KIF16B: variants seen among roughly 807,000 people sequenced by gnomAD.
KIF16B encodes the protein kinesin-like protein KIF16B.
Under a neutral mutation model 156.3 loss-of-function variants are expected in KIF16B, and 98 were observed. The ratio of observed to expected loss-of-function variants is 0.63; its 90% CI spans 0.53 to 0.74. The LOEUF (loss-of-function observed/expected upper bound fraction) is 0.74, where lower values mean the gene tolerates loss of function less well. KIF16B is among the 30% of genes least tolerant of loss of function. KIF16B has a pLI of 0.00. For synonymous variants in KIF16B, 564 were observed against 583.7 expected (o/e 0.97, Z 0.49); for missense variants, 1,421 against 1,606.5 (o/e 0.88, Z 1.97).
chr20:16,401,984 C>T (rs1383914997), intron 17 of KIF16B, among the ~76,000 whole-genome samples: 2 of 152,156 alleles, frequency 1.3e-5, no homozygotes, highest in Admixed American at 6.5e-5. Context: ...TCTTAAAAAA[C>T]AGTCAAACCC....
chr20:16,289,583 G>A (rs1026471854), intron 25 of KIF16B, among the ~76,000 whole-genome samples: 4 of 152,176 alleles, frequency 2.6e-5, no homozygotes, highest in Middle Eastern at 6.8e-3. Flanking sequence ...GCCGGGCGCG[G>A]TGGCTCACGC....
chr20:16,523,674 A>G (rs2069431339), intron 3 of KIF16B, among the ~76,000 whole-genome samples: 1 of 152,170 alleles, frequency 6.6e-6, no homozygotes, highest in Non-Finnish European at 1.5e-5. Flanking sequence ...ATAGAATTAG[A>G]AAAAAACTAC....
At chr20:16,565,762 C>G (rs983632657) in intron 1 of KIF16B, among the ~76,000 whole-genome samples, 9 of 152,312 alleles carry the variant, frequency 5.9e-5, no homozygotes, top group Admixed American at 2.6e-4. Context: ...CGAAACAAAT[C>G]AACAGACCAA....
intron 6 of KIF16B, among the ~76,000 whole-genome samples, chr20:16,510,625 G>A (rs2068928469): frequency 1.3e-5 from 2 of 152,086 alleles, no homozygotes; most frequent in Non-Finnish European, 2.9e-5. Flanking sequence ...CTCCAGCCTG[G>A]GCGACAGAGC....
chr20:16,322,136 G>A (rs750258869), intron 24 of KIF16B, among the ~76,000 whole-genome samples: 1 of 151,820 alleles, frequency 6.6e-6, no homozygotes, highest in Non-Finnish European at 1.5e-5. Context: ...TTTGCAATTC[G>A]GTGAATAAAA....
chr20:16,410,297 A>ATGTG (rs202178085), intron 15 of KIF16B, among the ~76,000 whole-genome samples: 9 of 142,604 alleles, frequency 6.3e-5, no homozygotes, highest in African/African-American at 2.4e-4. Context: ...ACCTACATAT[A>ATGTG]TATGTGTGTG....
chr20:16,544,649 C>T (rs561634440), intron 1 of KIF16B, among the ~76,000 whole-genome samples: 2 of 147,214 alleles, frequency 1.4e-5, no homozygotes, highest in East Asian at 4.1e-4. Flanking sequence ...TTCCAGGAAG[C>T]CTTCTCAGAC....
intron 12 of KIF16B, among the ~76,000 whole-genome samples, chr20:16,459,641 G>A (rs1048649825): frequency 1.2e-4 from 19 of 152,176 alleles, no homozygotes; most frequent in South Asian, 1.0e-3. Flanking sequence ...GCTTGGATTT[G>A]TTTAAATTAT....
intron 10 of KIF16B, 95 bp downstream of exon 10, chr20:16,504,277 A>G: frequency 7.9e-7 from 1 of 1,260,190 alleles, no homozygotes; most frequent in Non-Finnish European, 1.1e-6. Flanking sequence ...ATTTACTCAA[A>G]TCAATAGCAT....
intron 17 of KIF16B, among the ~76,000 whole-genome samples, chr20:16,399,060 T>C (rs4814489): frequency 0.48 from 73,419 of 152,012 alleles, 18,867 homozygotes; most frequent in East Asian, 0.69. Context: ...TGAAACAAGT[T>C]TGTTTGAGTA....
chr20:16,292,336 T>C (rs1435661585), intron 25 of KIF16B, among the ~76,000 whole-genome samples: 1 of 152,188 alleles, frequency 6.6e-6, no homozygotes, highest in African/African-American at 2.4e-5. Flanking sequence ...CTCTAAATAC[T>C]GTCTCAAAGG....
At chr20:16,567,898 A>G (rs901108735) in intron 1 of KIF16B, among the ~76,000 whole-genome samples, 11 of 152,054 alleles carry the variant, frequency 7.2e-5, no homozygotes, top group Non-Finnish European at 1.6e-4. Context: ...CTTGCAGTGA[A>G]CCGAGATCGC....
chr20:16,321,650 T>C (rs1309153384), intron 24 of KIF16B, among the ~76,000 whole-genome samples: 2 of 152,132 alleles, frequency 1.3e-5, no homozygotes, highest in African/African-American at 2.4e-5. Flanking sequence ...GAAGGTATCT[T>C]ACTTCCTATG....
At chr20:16,290,071 G>A (rs1337995184) in intron 25 of KIF16B, among the ~76,000 whole-genome samples, 1 of 152,144 alleles carries the variant, frequency 6.6e-6, no homozygotes, top group African/African-American at 2.4e-5. Context: ...TAAGCTCATG[G>A]TTCCTTCCTT....
At chr20:16,347,255 A>G (rs959630368) in intron 23 of KIF16B, among the ~76,000 whole-genome samples, 1 of 152,234 alleles carries the variant, frequency 6.6e-6, no homozygotes, top group Non-Finnish European at 1.5e-5. Context: ...TGCAAAAGGG[A>G]AAGTTCAAAC....
intron 23 of KIF16B, among the ~76,000 whole-genome samples, chr20:16,341,095 T>A (rs981340439): frequency 3.9e-5 from 6 of 152,184 alleles, no homozygotes; most frequent in Non-Finnish European, 7.3e-5. Flanking sequence ...GAAAGAAAGA[T>A]GGCCCAATGT....
intron 1 of KIF16B, 90 bp downstream of exon 1, chr20:16,573,139 T>A: frequency 1.5e-6 from 2 of 1,316,738 alleles, no homozygotes; most frequent in Admixed American, 4.1e-5. Context: ...GTGACACTTT[T>A]AAGTCCAGGC....
chr20:16,505,341 C>T (rs991414841), intron 9 of KIF16B, among the ~76,000 whole-genome samples: 2 of 151,834 alleles, frequency 1.3e-5, no homozygotes, highest in East Asian at 1.9e-4. Flanking sequence ...TTTTTTTCCC[C>T]TCCCAATTCT....
At position 16,500,684 on chromosome 20, in the gene KIF16B, T is replaced by C. The variant is rs183886023; in HGVS notation, c.1177-3006A>G. 1.6e-3 allele frequency among the ~76,000 whole-genome samples: 240 copies of C among 152,308 alleles called. 1 individual carries two copies. Among genetic ancestry groups the C allele is most frequent in the African/African-American group, 5.2e-3 (218 of 41,578 alleles). On this transcript the variant is annotated intron_variant, in intron 10 of 25. Transcript: ENST00000354981. Reference sequence around the variant, plus strand: ...TTTAAAGCTCACACAATGCTGTTTCTGCACCGCTTTCTTTCCTCTTGAATT... The same window carrying C: ...TTTAAAGCTCACACAATGCTGTTTCCGCACCGCTTTCTTTCCTCTTGAATT...
Sources: gnomAD v4.1 joint callset for allele counts (sites outside exome capture counted in the v4.1 genomes callset) on GRCh38, gnomAD v4.1.1 for gene constraint, MANE v1.5 for transcripts, NCBI Gene and HGNC (gene_info 2026-07-23, HGNC 2026-07-21) for gene names.